Variants in CELF2 observed in about 807,000 individuals in gnomAD.
CELF2 encodes the protein CUGBP Elav-like family member 2.
A neutral mutation model predicts 62.6 loss-of-function variants in CELF2; 8 were observed. The ratio of observed to expected loss-of-function variants is 0.13; its 90% confidence interval spans 0.07 to 0.23. The LOEUF is 0.23. Among genes scored for constraint, CELF2 ranks in the 10% least tolerant of loss-of-function variants. The pLI is 1.00. For synonymous variants in CELF2, 258 were observed against 250.0 expected (o/e 1.03, Z -0.30); for missense variants, 333 against 671.0 (o/e 0.50, Z 5.56).
At chr10:10,815,278 G>T (rs1241077245) in intron 1 of CELF2, among the ~76,000 whole-genome samples, 1 of 152,040 alleles carries the variant, frequency 6.6e-6, no homozygotes, top group East Asian at 1.9e-4. Context: ...TTTACCTTTG[G>T]GCAACTGGCC....
the CELF2 span, among the ~76,000 whole-genome samples, chr10:10,543,344 A>C: frequency 6.6e-6 from 1 of 152,234 alleles, no homozygotes; most frequent in South Asian, 2.1e-4. Flanking sequence ...ATTCCCTCCT[A>C]AGTGAGCTGA....
intron 1 of CELF2, among the ~76,000 whole-genome samples, chr10:10,879,366 T>C (rs2061310132): frequency 6.6e-6 from 1 of 152,198 alleles, no homozygotes; most frequent in Non-Finnish European, 1.5e-5. Context: ...GCAACCTGGT[T>C]AAATCCACAC....
chr10:10,538,485 T>A, the CELF2 span, among the ~76,000 whole-genome samples: 1 of 152,128 alleles, frequency 6.6e-6, no homozygotes, highest in Non-Finnish European at 1.5e-5. Context: ...GTGTCTCTGG[T>A]TAAATCTCCT....
chr10:10,643,793 T>C, the CELF2 span, among the ~76,000 whole-genome samples: 2 of 152,194 alleles, frequency 1.3e-5, no homozygotes, highest in Admixed American at 6.5e-5. Flanking sequence ...TTACTTTATG[T>C]CTTAACGTAG....
the CELF2 span, among the ~76,000 whole-genome samples, chr10:10,580,871 G>GT: frequency 6.6e-6 from 1 of 152,162 alleles, no homozygotes; most frequent in South Asian, 2.1e-4. Flanking sequence ...CTTAGTGACT[G>GT]TAAAAACTCT....
the CELF2 span, among the ~76,000 whole-genome samples, chr10:10,466,228 G>A: frequency 6.6e-6 from 1 of 152,002 alleles, no homozygotes; most frequent in Non-Finnish European, 1.5e-5. Context: ...TCCACACCTG[G>A]CCTTCAGACA....
At chr10:10,491,234 C>A in the CELF2 span, among the ~76,000 whole-genome samples, 1 of 152,162 alleles carries the variant, frequency 6.6e-6, no homozygotes. Context: ...ACATTAAAAT[C>A]TATTCAATAT....
the CELF2 span, among the ~76,000 whole-genome samples, chr10:10,745,661 G>A: frequency 3.9e-5 from 6 of 152,064 alleles, no homozygotes; most frequent in Non-Finnish European, 8.8e-5. Flanking sequence ...GCCTATCTTC[G>A]TTCTGCCTCC....
rs1406852887 is a variant in CELF2, at chr10:10,995,902, T to C, written c.89+75903T>C. On this transcript the variant is annotated intron_variant, in intron 2 of 13. Transcript: ENST00000636488. The surrounding 1 kb of genome is among the most constrained non-coding windows in gnomAD (Gnocchi z 4.7). ...ATATTTATGTTCATCAAATTATGCA[T>C]TGGTTCTGGAATTAAAAATGAACAT... Among the ~76,000 whole-genome samples, 2 of 152,228 alleles carry C rather than the reference T, an allele frequency of 1.3e-5. No individual in the cohort carries two copies. Among genetic ancestry groups the C allele is most frequent in the Non-Finnish European group, 2.9e-5 (2 of 68,044 alleles).
At chr10:10,789,341 T>C in the CELF2 span, among the ~76,000 whole-genome samples, 6 of 152,228 alleles carry the variant, frequency 3.9e-5, no homozygotes, top group Non-Finnish European at 8.8e-5. Context: ...GATTGTTTCA[T>C]AATATCCAGT....
At chr10:10,806,211 T>C (rs1325568765) in intron 1 of CELF2, among the ~76,000 whole-genome samples, 1 of 150,626 alleles carries the variant, frequency 6.6e-6, no homozygotes, top group Non-Finnish European at 1.5e-5. Flanking sequence ...TTCTTTTTTT[T>C]TTTTTTTCTT....
the CELF2 span, among the ~76,000 whole-genome samples, chr10:10,519,038 T>C: frequency 6.6e-6 from 1 of 152,160 alleles, no homozygotes. Context: ...TAACATAGGA[T>C]GATCTGAGAC....
chr10:11,021,303 CT>C (rs1339455740), intron 1 of CELF2, among the ~76,000 whole-genome samples: 2 of 152,020 alleles, frequency 1.3e-5, no homozygotes, highest in Non-Finnish European at 2.9e-5. Flanking sequence ...GGTAGGTAAC[CT>C]TATTGAAAAT....
the CELF2 span, among the ~76,000 whole-genome samples, chr10:10,762,301 G>GA: frequency 2.3e-3 from 353 of 152,224 alleles, 1 homozygote; most frequent in Admixed American, 3.2e-3. Flanking sequence ...GTAAGGAGAG[G>GA]CAGGGCAGTA....
rs1490391621 is a variant in CELF2 at position 11,255,807 on chromosome 10, C to T, written c.404-1931C>T. On this transcript the variant is annotated intron_variant, in intron 4 of 12. Coordinates refer to ENST00000633077, the MANE Select transcript of CELF2 (RefSeq NM_001326342.2). This position sits in a 1 kb window ranked among gnomAD's most constrained non-coding sequence, Gnocchi z 5.5. Reference sequence around the variant, plus strand: ...CCATGGATGACAAAACAGAGGTCCTCAGAGGTCAGCCTATTCTCCAAAGAC... The same window carrying T: ...CCATGGATGACAAAACAGAGGTCCTTAGAGGTCAGCCTATTCTCCAAAGAC... 2.0e-5 allele frequency among the ~76,000 whole-genome samples: 3 copies of T among 152,178 alleles called. No homozygotes were observed. The highest frequency in any genetic ancestry group is 7.2e-5 in the African/African-American group (3 of 41,440).
At chr10:10,732,405 TC>T in the CELF2 span, among the ~76,000 whole-genome samples, 1 of 152,000 alleles carries the variant, frequency 6.6e-6, no homozygotes, top group Non-Finnish European at 1.5e-5. Context: ...TAAAGGGAAT[TC>T]CCCTTAAAGC....
At position 11,315,494 on chromosome 10, in the gene CELF2, C is replaced by T. The variant is rs1484591960; in HGVS notation, c.1096+1236C>T. ...TGCACTGGACTTGGTAGAAAATGAACCTAAAATTTATCCAAATAAAAATTA... is the reference window on the plus strand; with the variant it reads ...TGCACTGGACTTGGTAGAAAATGAATCTAAAATTTATCCAAATAAAAATTA... On this transcript the variant is annotated intron_variant, in intron 10 of 12. Transcript: ENST00000633077. The surrounding 1 kb of genome is among the most constrained non-coding windows in gnomAD (Gnocchi z 5.8). Among the ~76,000 whole-genome samples the T allele has an allele frequency of 3.9e-5, 6 of 152,060 alleles. No individual in the cohort carries two copies. The highest frequency in any genetic ancestry group is 8.8e-5 in the Non-Finnish European group (6 of 68,014).
chr10:10,843,007 T>C (rs911178051), intron 1 of CELF2, among the ~76,000 whole-genome samples: 1 of 152,050 alleles, frequency 6.6e-6, no homozygotes, highest in African/African-American at 2.4e-5. Flanking sequence ...CTGTTTCTCC[T>C]GTAGGTTTTG....
chr10:11,131,396 G>A (rs1490060572), intron 1 of CELF2, among the ~76,000 whole-genome samples: 3 of 152,222 alleles, frequency 2.0e-5, no homozygotes, highest in Admixed American at 1.3e-4. Context: ...CCAATGGTAA[G>A]ATCTGGGATT....
Sources: allele counts gnomAD v4.1 joint callset (sites outside exome capture counted in the v4.1 genomes callset), GRCh38; gene constraint gnomAD v4.1.1; non-coding constraint Gnocchi (gnomAD v3.1); transcripts MANE v1.5; gene names NCBI Gene and HGNC (gene_info 2026-07-23, HGNC 2026-07-21).